The following SLC8A1 variants were observed in gnomAD, a reference collection of about 807,000 sequenced individuals.
SLC8A1 encodes the protein sodium/calcium exchanger 1.
Under a neutral mutation model 68.3 loss-of-function variants are expected in SLC8A1, and 18 were observed. The ratio of observed to expected loss-of-function variants is 0.26; its 90% CI spans 0.18 to 0.39. SLC8A1 has a LOEUF of 0.39. Ranked by LOEUF, SLC8A1 falls within the 10% of genes least tolerant of loss-of-function variation. The pLI is 1.00. For synonymous variants in SLC8A1, 475 were observed against 415.5 expected, an observed-to-expected ratio of 1.14 and a Z score of -1.74; for missense variants, 985 against 1,156.7, an observed-to-expected ratio of 0.85 and a Z score of 2.15.
chr2:40,365,173 G>T (rs887613341), intron 2 of SLC8A1, among the ~76,000 whole-genome samples: 2 of 151,668 alleles, frequency 1.3e-5, no homozygotes, highest in Non-Finnish European at 2.9e-5. Context: ...AAACCACAGG[G>T]TAGGCAGGAA....
chr2:40,301,177 T>A (rs1341826573), intron 2 of SLC8A1, among the ~76,000 whole-genome samples: 1 of 152,224 alleles, frequency 6.6e-6, no homozygotes, highest in Non-Finnish European at 1.5e-5. Flanking sequence ...CTTCATTCAC[T>A]GAATTCTATG....
intron 1 of SLC8A1, among the ~76,000 whole-genome samples, chr2:40,477,260 C>G (rs1704347070): frequency 1.3e-5 from 2 of 152,130 alleles, no homozygotes; most frequent in South Asian, 2.1e-4. Flanking sequence ...AACACTGTTT[C>G]TCTTACAAGA....
chr2:40,404,160 C>T lies in SLC8A1; in HGVS notation c.1808+24313G>A, dbSNP rs559219921. On this transcript the variant is annotated intron_variant, in intron 2 of 7. Coordinates refer to ENST00000406785, the Ensembl canonical transcript of SLC8A1. ...ATCCTCTACCTCAGCCTCCAAAGTA[C>T]TGAGGATTACAGGCTTCAGCCACTG... Among the ~76,000 whole-genome samples the T allele has an allele frequency of 3.3e-5, 5 of 152,246 alleles. No individual in the cohort carries two copies. The East Asian group carries it at 7.7e-4, about 24-fold the overall frequency.
chr2:40,110,977 C>G (rs1471432179), exon 8 of SLC8A1: 1 of 152,062 alleles, frequency 6.6e-6, no homozygotes, highest in Non-Finnish European at 1.5e-5. Flanking sequence ...TGTGGAATCA[C>G]CAATGAATCA....
At chr2:40,300,349 C>T (rs1399429029) in intron 2 of SLC8A1, among the ~76,000 whole-genome samples, 3 of 152,072 alleles carry the variant, frequency 2.0e-5, no homozygotes, top group Admixed American at 6.6e-5. Context: ...AGGTCACATA[C>T]CTAATACAAG....
At chr2:40,248,540 G>T (rs1005002312) in intron 2 of SLC8A1, among the ~76,000 whole-genome samples, 2 of 152,156 alleles carry the variant, frequency 1.3e-5, no homozygotes, top group African/African-American at 4.8e-5. Context: ...CTAGCCTCTG[G>T]AACTGTGGGA....
intron 2 of SLC8A1, among the ~76,000 whole-genome samples, chr2:40,416,050 G>A (rs969543148): frequency 3.5e-4 from 34 of 96,356 alleles, no homozygotes; most frequent in Non-Finnish European, 6.3e-4. Flanking sequence ...GCGAGGCTCT[G>A]TTTTAAAAAA....
At chr2:40,252,520 G>T (rs1308852612) in intron 2 of SLC8A1, among the ~76,000 whole-genome samples, 2 of 152,078 alleles carry the variant, frequency 1.3e-5, no homozygotes, top group African/African-American at 4.8e-5. Flanking sequence ...CTTTAGTAGA[G>T]ACAGGGTTTC....
intron 1 of SLC8A1, among the ~76,000 whole-genome samples, chr2:40,472,401 C>T (rs191332217): frequency 6.6e-6 from 1 of 152,294 alleles, no homozygotes; most frequent in East Asian, 1.9e-4. Context: ...TATAAAAGCA[C>T]TATATTAACA....
intron 1 of SLC8A1, among the ~76,000 whole-genome samples, chr2:40,462,663 T>G (rs1447412291): frequency 5.9e-5 from 9 of 151,388 alleles, no homozygotes; most frequent in Non-Finnish European, 1.2e-4. Context: ...CAAAAATTAG[T>G]CAGATGTGGT....
chr2:40,180,044 C>T (rs932456518), intron 2 of SLC8A1, among the ~76,000 whole-genome samples: 2 of 152,084 alleles, frequency 1.3e-5, no homozygotes, highest in Non-Finnish European at 2.9e-5. Flanking sequence ...CTTTCTATCT[C>T]ATTTCTGTCC....
In SLC8A1 at chr2:40,428,648, G is replaced by T. The variant is rs780717672; in HGVS notation, c.1633C>A (p.Pro545Thr). Residue 545 changes from proline to threonine, a missense_variant, in exon 2 of 8, where the codon CCT (proline) becomes ACT (threonine). Physicochemically the swap from Pro to Thr is conservative, Grantham distance 38. Around this residue, in one of 5 missense-constraint regions of SLC8A1, gnomAD observed 584 missense variants for 565.9 expected, o/e 1.03. Coordinates refer to ENST00000406785, the Ensembl canonical transcript of SLC8A1. The stretch of plus-strand genomic sequence containing the variant: ...ATGCTCTCACTCACATGAGTCACAG[G>T]TTCCTCAAAAGTAAAAATGCCTGCG... 1.2e-5 allele frequency: 19 copies of T among 1,613,758 alleles called. No individual in the cohort carries two copies. The highest frequency in any genetic ancestry group is 1.7e-5 in the Admixed American group (1 of 59,914).
In SLC8A1 at chr2:40,115,644, G is replaced by A. The variant is rs1399726387; in HGVS notation, c.2438-15C>T. 6.3e-7 allele frequency: 1 copy of A among 1,597,500 alleles called. No homozygotes were observed. The highest frequency in any genetic ancestry group is 8.5e-7 in the Non-Finnish European group (1 of 1,175,998). On this transcript the variant is annotated splice_polypyrimidine_tract_variant and intron_variant, in intron 7 of 7. Coordinates refer to ENST00000406785, the Ensembl canonical transcript of SLC8A1. ...GGCAAATGTGTCTGCAGAGGAAGAA[G>A]AGAAAGTCAATGACACTCAATCTTT... is the stretch of plus-strand genomic sequence containing the variant.
intron 2 of SLC8A1, among the ~76,000 whole-genome samples, chr2:40,393,348 C>T (rs1173558780): frequency 6.6e-6 from 1 of 152,004 alleles, no homozygotes; most frequent in Non-Finnish European, 1.5e-5. Flanking sequence ...ACTTAGCAAT[C>T]TATGTTTATG....
intron 2 of SLC8A1, among the ~76,000 whole-genome samples, chr2:40,308,204 A>T (rs956669425): frequency 1.3e-5 from 2 of 152,112 alleles, no homozygotes; most frequent in African/African-American, 4.8e-5. Context: ...GTGCCTCATG[A>T]TTCGTGGCAG....
chr2:40,179,437 C>T (rs1046575364), intron 2 of SLC8A1, among the ~76,000 whole-genome samples: 1 of 152,208 alleles, frequency 6.6e-6, no homozygotes, highest in Non-Finnish European at 1.5e-5. Flanking sequence ...ATGCAAATCT[C>T]AACTTTCCAT....
chr2:40,121,375 C>T (rs1476984621), intron 7 of SLC8A1, among the ~76,000 whole-genome samples: 3 of 152,144 alleles, frequency 2.0e-5, no homozygotes, highest in Non-Finnish European at 4.4e-5. Context: ...AGGGAAGCAG[C>T]TAATCGGAAA....
At chr2:40,121,812 C>T (rs1363257997) in intron 7 of SLC8A1, among the ~76,000 whole-genome samples, 1 of 152,134 alleles carries the variant, frequency 6.6e-6, no homozygotes, top group African/African-American at 2.4e-5. Flanking sequence ...GGAGTTATAA[C>T]ACCCTTTAAA....
At chr2:40,255,669 C>T (rs138807124) in intron 2 of SLC8A1, among the ~76,000 whole-genome samples, 11 of 152,138 alleles carry the variant, frequency 7.2e-5, no homozygotes, top group Admixed American at 4.6e-4. Context: ...AAAATAAATA[C>T]GTGCAGAATT....
Sources: gnomAD v4.1 joint callset for allele counts (sites outside exome capture counted in the v4.1 genomes callset) on GRCh38, gnomAD v4.1.1 for gene constraint, gnomAD v4.1.1 regional missense constraint, MANE v1.5 for transcripts, NCBI Gene and HGNC (gene_info 2026-07-23, HGNC 2026-07-21) for gene names.